The following XRCC4 variants were observed in gnomAD, a reference collection of about 807,000 sequenced individuals.
XRCC4 encodes DNA repair protein XRCC4.
Under a neutral mutation model 39.1 loss-of-function variants are expected in XRCC4, and 28 were observed. The ratio of observed to expected loss-of-function variants is 0.72; its 90% CI spans 0.53 to 0.98. The LOEUF (loss-of-function observed/expected upper bound fraction) is 0.98, where lower values mean the gene tolerates loss of function less well. XRCC4 is among the 50% of genes least tolerant of loss of function. The pLI, the probability that XRCC4 is intolerant of heterozygous loss-of-function variation, is 0.00. For missense variants in XRCC4, 350 were observed against 376.4 expected (o/e 0.93, Z 0.58); for synonymous variants, 123 against 126.4 (o/e 0.97, Z 0.18).
intron 2 of XRCC4, among the ~76,000 whole-genome samples, chr5:83,109,052 C>G (rs2112391788): frequency 6.6e-6 from 1 of 151,740 alleles, no homozygotes; most frequent in East Asian, 1.9e-4. Context: ...ATTTTATTAT[C>G]AAAACTTGTT....
intron 7 of XRCC4, among the ~76,000 whole-genome samples, chr5:83,299,783 T>C (rs541663002): frequency 4.3e-4 from 65 of 152,286 alleles, no homozygotes; most frequent in African/African-American, 1.6e-3. Context: ...TTTCCTGTTA[T>C]CATTTTAAGC....
intron 4 of XRCC4, 97 bp downstream of exon 4, chr5:83,196,033 A>G: frequency 8.2e-7 from 1 of 1,220,750 alleles, no homozygotes; most frequent in Middle Eastern, 2.1e-4. Context: ...ATATATGTGG[A>G]TTAGCACATA....
intron 7 of XRCC4, among the ~76,000 whole-genome samples, chr5:83,293,775 T>C (rs1755002777): frequency 6.6e-6 from 1 of 152,016 alleles, no homozygotes; most frequent in South Asian, 2.1e-4. Context: ...ATTTTTTGAA[T>C]TGATAAATGA....
At chr5:83,196,687 G>T (rs186116624) in intron 4 of XRCC4, among the ~76,000 whole-genome samples, 25 of 151,264 alleles carry the variant, frequency 1.7e-4, no homozygotes, top group African/African-American at 6.0e-4. Context: ...TATATATACA[G>T]TGAGAAAGAA....
chr5:83,304,710 T>C (rs1755416890), intron 7 of XRCC4, among the ~76,000 whole-genome samples: 1 of 127,540 alleles, frequency 7.8e-6, no homozygotes. Flanking sequence ...AATTTATCTA[T>C]AAATTTTCCA....
At chr5:83,318,170 A>G (rs973501096) in intron 7 of XRCC4, among the ~76,000 whole-genome samples, 9 of 144,764 alleles carry the variant, frequency 6.2e-5, no homozygotes, top group Non-Finnish European at 1.0e-4. Context: ...CATGCTAAAA[A>G]CTCTCAATGA....
chr5:83,325,865 G>A (rs1168208880), intron 7 of XRCC4, among the ~76,000 whole-genome samples: 2 of 151,962 alleles, frequency 1.3e-5, no homozygotes, highest in Non-Finnish European at 2.9e-5. Context: ...CCGGTTCTAG[G>A]TCTTTAAGGA....
intron 1 of XRCC4, among the ~76,000 whole-genome samples, chr5:83,090,133 T>C (rs1026934048): frequency 6.6e-5 from 10 of 152,148 alleles, no homozygotes; most frequent in Admixed American, 5.9e-4. Flanking sequence ...CTCACTGTAA[T>C]GTCAAAGGCC....
chr5:83,246,099 A>T (rs1446697166), intron 6 of XRCC4, among the ~76,000 whole-genome samples: 2 of 151,898 alleles, frequency 1.3e-5, no homozygotes, highest in Non-Finnish European at 1.5e-5. Context: ...CAGCATTTAT[A>T]TTTTTTATTT....
At chr5:83,183,874 T>C (rs1750316947) in intron 3 of XRCC4, among the ~76,000 whole-genome samples, 1 of 152,166 alleles carries the variant, frequency 6.6e-6, no homozygotes, top group African/African-American at 2.4e-5. Flanking sequence ...AACTATCTTA[T>C]GGGCAATTTT....
At chr5:83,085,986 C>T (rs976193462) in intron 1 of XRCC4, among the ~76,000 whole-genome samples, 9 of 152,168 alleles carry the variant, frequency 5.9e-5, no homozygotes, top group South Asian at 2.1e-4. Context: ...CATTGTTTTG[C>T]GGACTTCTAG....
chr5:83,264,968 T>G (rs1157957161), intron 7 of XRCC4, among the ~76,000 whole-genome samples: 1 of 152,022 alleles, frequency 6.6e-6, no homozygotes, highest in African/African-American at 2.4e-5. Flanking sequence ...GCCTTTTGAG[T>G]TTTTTGTTGT....
the XRCC4 span, among the ~76,000 whole-genome samples, chr5:83,374,335 G>T: frequency 6.6e-6 from 1 of 152,178 alleles, no homozygotes; most frequent in Non-Finnish European, 1.5e-5. Flanking sequence ...TTTATAAGGG[G>T]CTTCCCCTTT....
chr5:83,099,130 G>A (rs1302094838), intron 1 of XRCC4, among the ~76,000 whole-genome samples: 1 of 152,120 alleles, frequency 6.6e-6, no homozygotes, highest in African/African-American at 2.4e-5. Context: ...CATATGCTGT[G>A]TGCTAATCTT....
chr5:83,370,706 C>T, the XRCC4 span, among the ~76,000 whole-genome samples: 4 of 152,220 alleles, frequency 2.6e-5, no homozygotes, highest in South Asian at 8.3e-4. Context: ...ACTTTTTCAT[C>T]TCCATGACTA....
At chr5:83,288,261 A>C (rs910164229) in intron 7 of XRCC4, among the ~76,000 whole-genome samples, 2 of 151,884 alleles carry the variant, frequency 1.3e-5, no homozygotes, top group African/African-American at 4.8e-5. Context: ...GGAAGATTCT[A>C]TAAATGTCAA....
intron 6 of XRCC4, among the ~76,000 whole-genome samples, chr5:83,205,837 T>C (rs1392203948): frequency 2.0e-5 from 3 of 151,234 alleles, no homozygotes; most frequent in African/African-American, 7.3e-5. Flanking sequence ...GGTTATGATT[T>C]TAGCCAGACT....
At chr5:83,313,508 C>A (rs1030973541) in intron 7 of XRCC4, among the ~76,000 whole-genome samples, 8 of 152,194 alleles carry the variant, frequency 5.3e-5, no homozygotes, top group African/African-American at 1.4e-4. Context: ...CCTCTCCTGG[C>A]TCACATCTGA....
At chr5:83,351,628 T>C (rs1757085804) in intron 7 of XRCC4, among the ~76,000 whole-genome samples, 1 of 152,204 alleles carries the variant, frequency 6.6e-6, no homozygotes. Context: ...TATGCCTGTA[T>C]TTATTGTTAA....
Sources: gnomAD v4.1 joint callset for allele counts (sites outside exome capture counted in the v4.1 genomes callset) on GRCh38, gnomAD v4.1.1 for gene constraint, MANE v1.5 for transcripts, NCBI Gene and HGNC (gene_info 2026-07-23, HGNC 2026-07-21) for gene names.